The following SLC24A2 variants were observed in gnomAD, a reference collection of about 807,000 sequenced individuals.
SLC24A2 encodes solute carrier family 24 member 2, also known as sodium/potassium/calcium exchanger 2.
Under a neutral mutation model 62.0 loss-of-function variants are expected in SLC24A2, and 36 were observed. That is an observed-to-expected ratio of 0.58 (90% CI 0.44 to 0.77). SLC24A2 has a LOEUF of 0.77. Among genes scored for constraint, SLC24A2 ranks in the 30% least tolerant of loss-of-function variants. The pLI is 0.00. For missense variants in SLC24A2, 846 were observed against 817.9 expected (o/e 1.03, Z -0.42); for synonymous variants, 358 against 294.0 (o/e 1.22, Z -2.23).
chr9:20,076,148 C>T, the SLC24A2 span, among the ~76,000 whole-genome samples: 11 of 151,756 alleles, frequency 7.2e-5, no homozygotes, highest in African/African-American at 2.4e-4. Context: ...AGATGCGGAA[C>T]CTATGGATAC....
intron 2 of SLC24A2, among the ~76,000 whole-genome samples, chr9:19,625,691 CT>C (rs5896851): frequency 0.066 from 9,510 of 143,736 alleles, 393 homozygotes; most frequent in South Asian, 0.13. Context: ...TTTTTCTTTT[CT>C]TTTTTTTTTT....
the SLC24A2 span, among the ~76,000 whole-genome samples, chr9:20,170,321 A>G: frequency 6.6e-6 from 1 of 152,002 alleles, no homozygotes; most frequent in Non-Finnish European, 1.5e-5. Flanking sequence ...GCAGAAGGGT[A>G]GCACTCCCAT....
chr9:20,105,911 T>C, the SLC24A2 span, among the ~76,000 whole-genome samples: 1 of 152,144 alleles, frequency 6.6e-6, no homozygotes, highest in African/African-American at 2.4e-5. Context: ...ATCCAGGAGC[T>C]GGTTTTTTGA....
At chr9:19,904,542 T>C in the SLC24A2 span, among the ~76,000 whole-genome samples, 6 of 152,206 alleles carry the variant, frequency 3.9e-5, no homozygotes, top group Non-Finnish European at 8.8e-5. Context: ...CTTTGCCCAT[T>C]TGAAAATAGT....
chr9:20,005,939 A>T, the SLC24A2 span, among the ~76,000 whole-genome samples: 1 of 151,528 alleles, frequency 6.6e-6, no homozygotes, highest in Non-Finnish European at 1.5e-5. Context: ...GGTAGGGCAT[A>T]GGGTCAGCTG....
the SLC24A2 span, among the ~76,000 whole-genome samples, chr9:20,098,233 T>G: frequency 1.3e-5 from 2 of 152,194 alleles, no homozygotes; most frequent in African/African-American, 2.4e-5. Context: ...CAACATTTAT[T>G]CATAAATATT....
chr9:19,761,507 G>A (rs368314125), intron 2 of SLC24A2, among the ~76,000 whole-genome samples: 1 of 146,594 alleles, frequency 6.8e-6, no homozygotes. Flanking sequence ...TATACTTTAA[G>A]TTTTAGGGTA....
the SLC24A2 span, among the ~76,000 whole-genome samples, chr9:20,019,150 A>AG: frequency 2.5e-3 from 287 of 116,688 alleles, 7 homozygotes; most frequent in African/African-American, 2.9e-3. Flanking sequence ...AGAAAGAAAG[A>AG]AAGAAAGAGA....
the SLC24A2 span, among the ~76,000 whole-genome samples, chr9:20,017,384 T>C: frequency 3.3e-5 from 5 of 152,216 alleles, no homozygotes; most frequent in Non-Finnish European, 7.3e-5. Context: ...TAAATTTTTC[T>C]ATTTTTTGGC....
chr9:20,265,540 C>A, the SLC24A2 span, among the ~76,000 whole-genome samples: 221 of 152,312 alleles, frequency 1.5e-3, 1 homozygote, highest in African/African-American at 5.1e-3. Flanking sequence ...CTAGGCCTGT[C>A]TTTACTTTAA....
intron 10 of SLC24A2, among the ~76,000 whole-genome samples, chr9:19,519,800 A>G (rs1035731827): frequency 6.6e-5 from 10 of 152,218 alleles, no homozygotes; most frequent in Non-Finnish European, 1.0e-4. Context: ...AGAGTTTTCC[A>G]GTCAGACAAG....
At chr9:20,045,787 A>G in the SLC24A2 span, among the ~76,000 whole-genome samples, 11 of 152,240 alleles carry the variant, frequency 7.2e-5, no homozygotes, top group South Asian at 1.9e-3. Flanking sequence ...ATGCATGCTT[A>G]TATCATTCTC....
At chr9:20,093,657 G>A in the SLC24A2 span, among the ~76,000 whole-genome samples, 1 of 152,036 alleles carries the variant, frequency 6.6e-6, no homozygotes, top group Non-Finnish European at 1.5e-5. Context: ...TTTTCTGTTT[G>A]GATGCTTACG....
At chr9:19,577,545 T>C (rs1018817119) in intron 5 of SLC24A2, among the ~76,000 whole-genome samples, 1 of 152,182 alleles carries the variant, frequency 6.6e-6, no homozygotes, top group Non-Finnish European at 1.5e-5. Flanking sequence ...CAACCTGTCT[T>C]ATAATTAACA....
chr9:19,760,995 T>C (rs555976403), intron 2 of SLC24A2, among the ~76,000 whole-genome samples: 1 of 152,242 alleles, frequency 6.6e-6, no homozygotes, highest in African/African-American at 2.4e-5. Flanking sequence ...CACACCAACA[T>C]GGCACATGTA....
rs1047819094 is a variant in SLC24A2 at position 19,509,634 on chromosome 9, C to T, written c.*6519G>A. 6.6e-6 allele frequency: 1 copy of T among 152,148 alleles called. No individual in the cohort carries two copies. Among genetic ancestry groups the T allele is most frequent in the African/African-American group, 2.4e-5 (1 of 41,442 alleles). 9.4% of individuals were successfully genotyped at this position (152,148 alleles called of 1,614,324 possible). On this transcript the variant is annotated 3_prime_UTR_variant, in exon 11 of 11. Coordinates refer to ENST00000341998, the MANE Select transcript of SLC24A2 (RefSeq NM_020344.4). Reference sequence around the variant, plus strand: ...ATTGGGGATTTGTTTAATTAAATGGCAAGAAGTTATCTACCCTTAATTTAT... The same window carrying T: ...ATTGGGGATTTGTTTAATTAAATGGTAAGAAGTTATCTACCCTTAATTTAT...
chr9:19,564,956 C>A (rs908798008), intron 7 of SLC24A2, among the ~76,000 whole-genome samples: 42 of 151,964 alleles, frequency 2.8e-4, no homozygotes, highest in Non-Finnish European at 1.0e-4. Context: ...TAAGAAAATG[C>A]TGGGTTCTGG....
At chr9:19,610,887 G>A (rs1487275339) in intron 4 of SLC24A2, among the ~76,000 whole-genome samples, 1 of 152,176 alleles carries the variant, frequency 6.6e-6, no homozygotes. Flanking sequence ...TATGTACTGG[G>A]GCCCACTTGT....
the SLC24A2 span, among the ~76,000 whole-genome samples, chr9:19,868,798 T>C: frequency 6.6e-6 from 1 of 152,220 alleles, no homozygotes; most frequent in African/African-American, 2.4e-5. Flanking sequence ...TAGCTCTCTT[T>C]TGGTTACTCT....
Sources: gnomAD v4.1 joint callset for allele counts (sites outside exome capture counted in the v4.1 genomes callset) on GRCh38, gnomAD v4.1.1 for gene constraint, MANE v1.5 for transcripts, NCBI Gene and HGNC (gene_info 2026-07-23, HGNC 2026-07-21) for gene names.